The following EPC2 variants were observed in gnomAD, a reference collection of about 807,000 sequenced individuals.
EPC2 encodes enhancer of polycomb 2.
A neutral mutation model predicts 92.1 loss-of-function variants in EPC2; 14 were observed. That is an observed-to-expected ratio of 0.15 (90% CI 0.10 to 0.24). The LOEUF (loss-of-function observed/expected upper bound fraction) is 0.24. Ranked by LOEUF, EPC2 falls within the 10% of genes least tolerant of loss-of-function variation. The pLI, the probability that EPC2 is intolerant of heterozygous loss-of-function variation, is 1.00. For missense variants in EPC2, 755 were observed against 971.5 expected (o/e 0.78, Z 2.96); for synonymous variants, 340 against 334.7 (o/e 1.02, Z -0.17).
chr2:148,662,501 G>C (rs187293337), intron 1 of EPC2, among the ~76,000 whole-genome samples: 3,928 of 152,274 alleles, frequency 0.026, 58 homozygotes, highest in East Asian at 0.032. Context: ...AAAATGATGA[G>C]TTCATGTCCT....
At chr2:148,703,502 GC>G (rs1681929469) in intron 2 of EPC2, among the ~76,000 whole-genome samples, 1 of 151,942 alleles carries the variant, frequency 6.6e-6, no homozygotes, top group African/African-American at 2.4e-5. Context: ...TGGGAGTGAG[GC>G]CTGAAAAATG....
At chr2:148,721,712 C>CTTTTTTTTTTTTT (rs34017461) in intron 2 of EPC2, among the ~76,000 whole-genome samples, 12 of 111,502 alleles carry the variant, frequency 1.1e-4, no homozygotes, top group East Asian at 2.6e-4. Flanking sequence ...CTGTTTTATT[C>CTTTTTTTTTTTTT]TTTTTTTTTT....
chr2:148,753,930 G>T lies in EPC2; in HGVS notation c.463G>T (p.Val155Leu), dbSNP rs1248857220. The T allele has an allele frequency of 3.1e-6, 5 of 1,607,438 alleles. No individual in the cohort carries two copies. In the Admixed American group the frequency reaches 8.5e-5, roughly 27 times the overall value. Reference protein sequence around the residue: ...RLEKASSNQLVTLQEAKLLLN... With the variant: ...RLEKASSNQLLTLQEAKLLLN... ...ACATTTTGTATTTTTCATTTAGCTT[G>T]TAACACTTCAAGAAGCAAAACTGCT... Residue 155 changes from valine to leucine, a missense_variant, in exon 4 of 14, where the codon GTA (valine) becomes TTA (leucine). This residue lies in a region of EPC2 where 509 missense variants were observed against 607.7 expected (regional missense o/e 0.84). Transcript: ENST00000258484.
At chr2:148,646,998 T>C (rs1683817215) in intron 1 of EPC2, among the ~76,000 whole-genome samples, 1 of 152,028 alleles carries the variant, frequency 6.6e-6, no homozygotes, top group South Asian at 2.1e-4. Flanking sequence ...TAATACCAGC[T>C]ACTCGGGAGG....
At chr2:148,730,451 G>A (rs1399196305) in intron 2 of EPC2, among the ~76,000 whole-genome samples, 2 of 152,214 alleles carry the variant, frequency 1.3e-5, no homozygotes, top group Non-Finnish European at 2.9e-5. Flanking sequence ...TTAGAGCAAA[G>A]ACTGTGGGTT....
chr2:148,693,065 T>C (rs1681674220), intron 2 of EPC2, among the ~76,000 whole-genome samples: 1 of 152,244 alleles, frequency 6.6e-6, no homozygotes, highest in Non-Finnish European at 1.5e-5. Flanking sequence ...GTTTGATATT[T>C]CACAATTTGC....
intron 1 of EPC2, chr2:148,645,426 G>A (rs989485881): frequency 2.4e-6 from 1 of 417,392 alleles, no homozygotes; most frequent in Admixed American, 4.5e-5. Flanking sequence ...GGGCCTTGCC[G>A]TAAGCGGCGG....
intron 10 of EPC2, among the ~76,000 whole-genome samples, chr2:148,773,919 A>G (rs1429640985): frequency 6.6e-6 from 1 of 152,064 alleles, no homozygotes; most frequent in Middle Eastern, 3.2e-3. Context: ...TGGGATCCTC[A>G]TGTGTTTGGT....
At chr2:148,723,714 G>C (rs1345679214) in intron 2 of EPC2, among the ~76,000 whole-genome samples, 1 of 152,090 alleles carries the variant, frequency 6.6e-6, no homozygotes, top group East Asian at 1.9e-4. Flanking sequence ...TTTGTTTTCA[G>C]CTTTTTTTCC....
At chr2:148,703,020 A>G (rs1363618202) in intron 2 of EPC2, among the ~76,000 whole-genome samples, 1 of 152,222 alleles carries the variant, frequency 6.6e-6, no homozygotes, top group African/African-American at 2.4e-5. Context: ...TTAATGGTGC[A>G]GAGCACTATG....
chr2:148,722,494 G>T (rs1412085589), intron 2 of EPC2, among the ~76,000 whole-genome samples: 1 of 152,198 alleles, frequency 6.6e-6, no homozygotes, highest in Non-Finnish European at 1.5e-5. Context: ...ACAGCAGTCA[G>T]AAAAGCTGTT....
At chr2:148,658,607 GTA>G (rs3076616) in intron 1 of EPC2, among the ~76,000 whole-genome samples, 12,722 of 141,164 alleles carry the variant, frequency 0.09, 585 homozygotes, top group Middle Eastern at 0.14. Flanking sequence ...GTGTGTGTGT[GTA>G]TATATATATA....
At chr2:148,690,431 A>T in intron 2 of EPC2, 58 bp downstream of exon 2, 3 of 1,451,122 alleles carry the variant, frequency 2.1e-6, no homozygotes, top group Admixed American at 2.5e-5. Flanking sequence ...ACCAGTGGAA[A>T]TCTTTTCTTT....
chr2:148,663,724 G>A (rs553518350), intron 1 of EPC2, among the ~76,000 whole-genome samples: 1 of 149,016 alleles, frequency 6.7e-6, no homozygotes. Flanking sequence ...CCAGTTTTGT[G>A]GAAGATAATT....
intron 2 of EPC2, among the ~76,000 whole-genome samples, chr2:148,712,324 T>A (rs1259040573): frequency 6.6e-6 from 1 of 152,102 alleles, no homozygotes; most frequent in African/African-American, 2.4e-5. Context: ...CAAGTAGCAC[T>A]ATAATGCTTC....
At chr2:148,695,847 G>C (rs899562506) in intron 2 of EPC2, among the ~76,000 whole-genome samples, 1 of 152,194 alleles carries the variant, frequency 6.6e-6, no homozygotes, top group African/African-American at 2.4e-5. Context: ...ATAAAGACTG[G>C]TAAAACAATG....
intron 2 of EPC2, among the ~76,000 whole-genome samples, chr2:148,695,695 C>T (rs1406983704): frequency 6.6e-6 from 1 of 152,176 alleles, no homozygotes; most frequent in African/African-American, 2.4e-5. Context: ...AAATGAAGAG[C>T]ATTGTTTTGT....
intron 7 of EPC2, among the ~76,000 whole-genome samples, chr2:148,767,946 A>C (rs1217564365): frequency 6.6e-6 from 1 of 152,220 alleles, no homozygotes; most frequent in Non-Finnish European, 1.5e-5. Context: ...ATTTCCTTTC[A>C]AATTTCAGGT....
chr2:148,760,115 T>G (rs905916209), intron 4 of EPC2, among the ~76,000 whole-genome samples: 16 of 151,950 alleles, frequency 1.1e-4, no homozygotes, highest in Admixed American at 2.0e-4. Flanking sequence ...TGATGGTGGA[T>G]TCGTGTAATC....
Sources: allele counts gnomAD v4.1 joint callset (sites outside exome capture counted in the v4.1 genomes callset), GRCh38; gene constraint gnomAD v4.1.1; regional missense constraint gnomAD v4.1.1; transcripts MANE v1.5; gene names NCBI Gene and HGNC (gene_info 2026-07-23, HGNC 2026-07-21).